LINGO2: variants seen among roughly 807,000 people sequenced by gnomAD.
LINGO2 encodes the protein leucine-rich repeat and immunoglobulin-like domain-containing nogo receptor-interacting protein 2.
LINGO2 carries 14 observed loss-of-function variants against 30.6 expected under a neutral mutation model. The observed-to-expected ratio is 0.46, with a 90% confidence interval of 0.30 to 0.72. The LOEUF is 0.72. Among genes scored for constraint, LINGO2 ranks in the 30% least tolerant of loss-of-function variants. The pLI is 0.07. For synonymous variants in LINGO2, 317 were observed against 288.5 expected (o/e 1.10, Z -1.00); for missense variants, 729 against 751.7 (o/e 0.97, Z 0.35).
chr9:29,053,072 C>G, the LINGO2 span, among the ~76,000 whole-genome samples: 1 of 152,028 alleles, frequency 6.6e-6, no homozygotes, highest in East Asian at 1.9e-4. Flanking sequence ...TGTAAAATAT[C>G]CTTTCTCTTC....
chr9:28,539,925 C>T (rs1821599944), intron 1 of LINGO2, among the ~76,000 whole-genome samples: 2 of 152,030 alleles, frequency 1.3e-5, no homozygotes, highest in African/African-American at 2.4e-5. Flanking sequence ...ATATGAGATC[C>T]CACAGGCTCC....
At chr9:28,235,701 A>G (rs1821537588) in intron 4 of LINGO2, among the ~76,000 whole-genome samples, 1 of 152,204 alleles carries the variant, frequency 6.6e-6, no homozygotes, top group African/African-American at 2.4e-5. Flanking sequence ...GACATGCTGA[A>G]GAATGCATCA....
intron 1 of LINGO2, among the ~76,000 whole-genome samples, chr9:28,630,562 C>A (rs1826888589): frequency 6.6e-6 from 1 of 151,964 alleles, no homozygotes; most frequent in South Asian, 2.1e-4. Flanking sequence ...TCCCAGTAAA[C>A]AGAATTAGTA....
intron 1 of LINGO2, among the ~76,000 whole-genome samples, chr9:28,636,036 C>T (rs1827252608): frequency 6.6e-6 from 1 of 152,070 alleles, no homozygotes; most frequent in African/African-American, 2.4e-5. Flanking sequence ...CAAGTGTTCT[C>T]ATTGTTCACT....
the LINGO2 span, among the ~76,000 whole-genome samples, chr9:28,986,214 A>ATG: frequency 1.7e-4 from 26 of 151,572 alleles, no homozygotes; most frequent in South Asian, 6.2e-4. Context: ...CCACTGGCTG[A>ATG]TGTGTGTGTG....
chr9:28,153,703 A>T (rs1828060143), intron 4 of LINGO2, among the ~76,000 whole-genome samples: 1 of 152,196 alleles, frequency 6.6e-6, no homozygotes, highest in African/African-American at 2.4e-5. Context: ...TGTGATTAAA[A>T]TATTGAAATA....
chr9:28,218,255 A>C (rs1417170795), intron 4 of LINGO2, among the ~76,000 whole-genome samples: 2 of 143,806 alleles, frequency 1.4e-5, no homozygotes, highest in Non-Finnish European at 3.0e-5. Context: ...CCTACATGGA[A>C]TTAAGAATTT....
In LINGO2 at chr9:28,260,790, T is replaced by C. The variant is rs1019199499; in HGVS notation, c.-87+34418A>G. 2.6e-5 allele frequency among the ~76,000 whole-genome samples: 4 copies of C among 152,072 alleles called. No individual in the cohort carries two copies. The East Asian group carries it at 7.8e-4, about 29-fold the overall frequency. On this transcript the variant is annotated intron_variant, in intron 4 of 5. Transcript: ENST00000379992. The stretch of plus-strand genomic sequence containing the variant: ...AAATAAATAATGCCTTACCTTAGGG[T>C]AGCTTCTTCCTTTAGTCTCATATGA...
At chr9:28,878,395 A>G in the LINGO2 span, among the ~76,000 whole-genome samples, 24 of 152,196 alleles carry the variant, frequency 1.6e-4, no homozygotes, top group Non-Finnish European at 2.8e-4. Flanking sequence ...TCACAGCCGA[A>G]TTCTACCAGA....
chr9:29,181,626 A>C, the LINGO2 span, among the ~76,000 whole-genome samples: 1 of 152,190 alleles, frequency 6.6e-6, no homozygotes, highest in East Asian at 1.9e-4. Context: ...GAAAAAGAGA[A>C]GAGGCAACTG....
intron 1 of LINGO2, among the ~76,000 whole-genome samples, chr9:28,575,985 C>G (rs953987251): frequency 6.6e-6 from 1 of 151,968 alleles, no homozygotes; most frequent in African/African-American, 2.4e-5. Context: ...CAGACATAGA[C>G]ATGCAGATCC....
chr9:28,344,878 C>T (rs2134407596), intron 3 of LINGO2, among the ~76,000 whole-genome samples: 1 of 152,246 alleles, frequency 6.6e-6, no homozygotes, highest in East Asian at 1.9e-4. Context: ...TCCCCAACTG[C>T]ACCAAAGCAT....
At chr9:28,347,204 A>G (rs1819615796) in intron 3 of LINGO2, among the ~76,000 whole-genome samples, 1 of 152,230 alleles carries the variant, frequency 6.6e-6, no homozygotes, top group Admixed American at 6.5e-5. Context: ...CAAAATATAA[A>G]AATTTGCATT....
the LINGO2 span, chr9:27,941,006 T>C: frequency 4.7e-5 from 5 of 105,368 alleles, no homozygotes; most frequent in African/African-American, 9.0e-5. Context: ...AATGGCCCTT[T>C]GTTTTAGTCT....
At chr9:28,811,707 T>C in the LINGO2 span, among the ~76,000 whole-genome samples, 2 of 152,166 alleles carry the variant, frequency 1.3e-5, no homozygotes, top group African/African-American at 4.8e-5. Context: ...TTAGCTTAAA[T>C]TTGAATTCTT....
chr9:28,747,314 G>A, the LINGO2 span, among the ~76,000 whole-genome samples: 3 of 151,864 alleles, frequency 2.0e-5, no homozygotes, highest in South Asian at 2.1e-4. Flanking sequence ...GATCATCTTC[G>A]CACCCCATTC....
chr9:29,191,754 T>C, the LINGO2 span, among the ~76,000 whole-genome samples: 1 of 152,166 alleles, frequency 6.6e-6, no homozygotes, highest in Non-Finnish European at 1.5e-5. Flanking sequence ...TTTAACATTT[T>C]TGAAGCACTT....
At chr9:28,162,744 G>C (rs900279674) in intron 4 of LINGO2, among the ~76,000 whole-genome samples, 2 of 152,016 alleles carry the variant, frequency 1.3e-5, no homozygotes, top group Admixed American at 1.3e-4. Context: ...AATCTTGGTG[G>C]GGTGCTGAGA....
intron 2 of LINGO2, among the ~76,000 whole-genome samples, chr9:28,439,774 A>C (rs1824115367): frequency 6.6e-6 from 1 of 152,168 alleles, no homozygotes; most frequent in African/African-American, 2.4e-5. Context: ...AGCCAGTCTC[A>C]GGTAGCAGTT....
Sources: gnomAD v4.1 joint callset for allele counts (sites outside exome capture counted in the v4.1 genomes callset) on GRCh38, gnomAD v4.1.1 for gene constraint, MANE v1.5 for transcripts, NCBI Gene and HGNC (gene_info 2026-07-23, HGNC 2026-07-21) for gene names.